PAPPA: variants seen among roughly 807,000 people sequenced by gnomAD.
The protein encoded by PAPPA is pappalysin 1.
In PAPPA, 60 loss-of-function variants were observed where a neutral mutation model predicts 164.0. The observed-to-expected ratio is 0.37, with a 90% CI of 0.30 to 0.45. The LOEUF (loss-of-function observed/expected upper bound fraction) is 0.45, where lower values mean the gene tolerates loss of function less well. PAPPA is among the 20% of genes least tolerant of loss of function. The pLI is 1.00. For missense variants in PAPPA, 1,782 were observed against 2,087.3 expected (o/e 0.85, Z 2.85); for synonymous variants, 875 against 814.1 (o/e 1.07, Z -1.27).
Position 116,205,555 on chromosome 9 carries a change from C to A in PAPPA, c.1479-1901C>A, listed in dbSNP as rs1054052438. ...GCATTGTTTCTCTTTTCACTCTGGG[C>A]CTGGGTGAGCTTGGAAATGAGGGTG... is the stretch of plus-strand genomic sequence containing the variant. On this transcript the variant is annotated intron_variant, in intron 2 of 21. Transcript: ENST00000328252. 5.8e-4 allele frequency among the ~76,000 whole-genome samples: 88 copies of A among 152,086 alleles called. 2 individuals carry two copies. Among genetic ancestry groups the A allele is most frequent in the Non-Finnish European group, 1.0e-4 (7 of 68,012 alleles).
intron 5 of PAPPA, among the ~76,000 whole-genome samples, chr9:116,223,484 A>G (rs370558648): frequency 7.9e-5 from 12 of 152,230 alleles, no homozygotes; most frequent in African/African-American, 2.4e-4. Context: ...AGCTTCAATC[A>G]ATATGTTTTT....
chr9:116,166,994 A>C (rs1843725896), intron 1 of PAPPA, among the ~76,000 whole-genome samples: 1 of 152,234 alleles, frequency 6.6e-6, no homozygotes, highest in African/African-American at 2.4e-5. Context: ...GAAATAGAGG[A>C]AAAATCTGAA....
intron 21 of PAPPA, among the ~76,000 whole-genome samples, chr9:116,387,212 T>C (rs1049958859): frequency 6.6e-6 from 1 of 152,098 alleles, no homozygotes; most frequent in Non-Finnish European, 1.5e-5. Flanking sequence ...CCAGAATAAT[T>C]CAGCCAAGTA....
chr9:116,386,991 C>G (rs1366414935), intron 21 of PAPPA, among the ~76,000 whole-genome samples: 1 of 152,118 alleles, frequency 6.6e-6, no homozygotes, highest in Non-Finnish European at 1.5e-5. Context: ...CCCTTACCTG[C>G]TGGACCTGTT....
At chr9:116,205,400 T>C (rs1587951205) in intron 2 of PAPPA, among the ~76,000 whole-genome samples, 2 of 152,300 alleles carry the variant, frequency 1.3e-5, no homozygotes, top group East Asian at 1.9e-4. Context: ...CTTTCTCTAA[T>C]AACATTTGTG....
chr9:116,397,568 A>T lies in PAPPA; in HGVS notation c.*952A>T, dbSNP rs1198285022. On this transcript the variant is annotated 3_prime_UTR_variant, in exon 22 of 22. Coordinates refer to ENST00000328252, the MANE Select transcript of PAPPA (RefSeq NM_002581.5). ...CCTTAAAAGTGACCCACATTTTTCC[A>T]TAGCTCCTCACTTTTTAGCCCTTCT... 1 of 152,622 alleles carries T rather than the reference A, an allele frequency of 6.6e-6. No individual in the cohort carries two copies. Among genetic ancestry groups the T allele is most frequent in the Admixed American group, 6.5e-5 (1 of 15,272 alleles). The allele number at this position is 152,622 out of a possible 1,614,324, so 9.5% of individuals were successfully genotyped here.
intron 13 of PAPPA, 150 bp downstream of exon 13, chr9:116,335,224 C>T (rs2118957426): frequency 4.5e-6 from 3 of 666,860 alleles, no homozygotes; most frequent in Non-Finnish European, 5.1e-6. Flanking sequence ...CCGGCTCTGC[C>T]TTGTGGCCCA....
intron 10 of PAPPA, among the ~76,000 whole-genome samples, chr9:116,329,835 A>G (rs371253600): frequency 6.6e-6 from 1 of 152,188 alleles, no homozygotes; most frequent in African/African-American, 2.4e-5. Flanking sequence ...CTTGTATATG[A>G]ATCCAGTTTA....
intron 9 of PAPPA, among the ~76,000 whole-genome samples, chr9:116,289,766 CTA>C (rs1356299229): frequency 6.6e-6 from 1 of 152,152 alleles, no homozygotes; most frequent in East Asian, 1.9e-4. Flanking sequence ...ACACAACAGC[CTA>C]TGTTTCTGCT....
rs1284933328 is a variant in PAPPA at position 116,347,509 on chromosome 9, GA to G, written c.3964+308del. Among the ~76,000 whole-genome samples the G allele has an allele frequency of 6.6e-6, 1 of 151,896 alleles. No individual in the cohort carries two copies. The highest frequency in any genetic ancestry group is 1.5e-5 in the Non-Finnish European group (1 of 67,946). On this transcript the variant is annotated intron_variant, in intron 15 of 21. Transcript: ENST00000328252. The surrounding 1 kb of genome is among the most constrained non-coding windows in gnomAD (Gnocchi z 4.5). ...GGAGGGAAGAAGGAAGAGAGAAAAA[GA>G]AAAAAAAGTTACATTTGGGACTGAT...
At chr9:116,199,820 C>T (rs971249585) in intron 2 of PAPPA, among the ~76,000 whole-genome samples, 2 of 152,174 alleles carry the variant, frequency 1.3e-5, no homozygotes, top group African/African-American at 4.8e-5. Context: ...AAACTGCTTC[C>T]CCTCATGCTT....
chr9:116,386,829 C>T (rs1404517428), intron 21 of PAPPA, among the ~76,000 whole-genome samples: 2 of 152,142 alleles, frequency 1.3e-5, no homozygotes, highest in Non-Finnish European at 1.5e-5. Flanking sequence ...AGTCTCCCAG[C>T]CTTCCCATCA....
At chr9:116,162,469 T>C (rs1034590939) in intron 1 of PAPPA, among the ~76,000 whole-genome samples, 1 of 152,178 alleles carries the variant, frequency 6.6e-6, no homozygotes, top group Non-Finnish European at 1.5e-5. Context: ...GGAGCATATG[T>C]TTACTGAGGA....
intron 10 of PAPPA, among the ~76,000 whole-genome samples, chr9:116,326,590 G>A (rs79061817): frequency 0.15 from 22,815 of 152,022 alleles, 2,201 homozygotes; most frequent in Non-Finnish European, 0.22. Flanking sequence ...TGTGGGAAGA[G>A]CACACCGTGA....
At chr9:116,160,129 G>A (rs1843650192) in intron 1 of PAPPA, among the ~76,000 whole-genome samples, 1 of 152,202 alleles carries the variant, frequency 6.6e-6, no homozygotes, top group Non-Finnish European at 1.5e-5. Flanking sequence ...AATTACTGAT[G>A]TAGTCTGACA....
intron 21 of PAPPA, among the ~76,000 whole-genome samples, chr9:116,383,997 G>T: frequency 6.6e-6 from 1 of 151,814 alleles, no homozygotes; most frequent in Non-Finnish European, 1.5e-5. Flanking sequence ...TTTTTATTTT[G>T]GTGTATTTTA....
intron 7 of PAPPA, among the ~76,000 whole-genome samples, chr9:116,256,341 A>G (rs1167265359): frequency 6.6e-6 from 1 of 152,000 alleles, no homozygotes; most frequent in Non-Finnish European, 1.5e-5. Flanking sequence ...AGAAGAGACA[A>G]ATAATGGAAA....
At chr9:116,363,763 A>T (rs1846461457) in intron 18 of PAPPA, among the ~76,000 whole-genome samples, 1 of 152,234 alleles carries the variant, frequency 6.6e-6, no homozygotes, top group Non-Finnish European at 1.5e-5. Flanking sequence ...ACAGAGAGTT[A>T]TCACTGCATG....
chr9:116,362,050 T>TGAAAGAAAGAGAAGATGAGAAAAGG (rs1197295140), intron 17 of PAPPA, among the ~76,000 whole-genome samples: 2 of 151,918 alleles, frequency 1.3e-5, no homozygotes. Context: ...TGGAATGGAA[T>TGAAAGAAAGAGAAGATGAGAAAAGG]GAAAGAAAGA....
Sources: gnomAD v4.1 joint callset for allele counts (sites outside exome capture counted in the v4.1 genomes callset) on GRCh38, gnomAD v4.1.1 for gene constraint, Gnocchi (gnomAD v3.1) non-coding constraint, MANE v1.5 for transcripts, NCBI Gene and HGNC (gene_info 2026-07-23, HGNC 2026-07-21) for gene names.